Variants in ASTN1 observed in about 807,000 individuals in gnomAD.
ASTN1 encodes astrotactin-1.
ASTN1 carries 41 observed loss-of-function variants against 140.7 expected under a neutral mutation model. The ratio of observed to expected loss-of-function variants is 0.29; its 90% CI spans 0.23 to 0.38. The LOEUF is 0.38. Ranked by LOEUF, ASTN1 falls within the 10% of genes least tolerant of loss-of-function variation. The pLI, the probability that ASTN1 is intolerant of heterozygous loss-of-function variation, is 1.00. For synonymous variants in ASTN1, 640 were observed against 652.2 expected, an observed-to-expected ratio of 0.98 and a Z score of 0.29; for missense variants, 1,479 against 1,678.8, an observed-to-expected ratio of 0.88 and a Z score of 2.08.
At position 176,888,091 on chromosome 1, in the gene ASTN1, A is replaced by C; in HGVS notation, c.3054T>G (p.Cys1018Trp). 1 of 1,614,164 alleles carries C rather than the reference A, an allele frequency of 6.2e-7. No homozygotes were observed. Among genetic ancestry groups the C allele is most frequent in the Non-Finnish European group, 8.5e-7 (1 of 1,180,020 alleles). The part of the protein sequence containing the change: ...TAFGADGLPT[C>W]APLPQPVLRL... ...CATACACAGGCTGTGGGAGAGGCGCACAGGTGGGGAGTCCATCAGCTCCAA... is the reference window on the plus strand; with the variant it reads ...CATACACAGGCTGTGGGAGAGGCGCCCAGGTGGGGAGTCCATCAGCTCCAA... The change falls in exon 18 of 23, where the codon TGT becomes TGG. Residue 1018 changes from cysteine to tryptophan, a missense_variant. By Grantham distance (215) the Cys-to-Trp change is radical (BLOSUM62 -2). This residue lies in a region of ASTN1 where 746 missense variants were observed against 800.9 expected (regional missense o/e 0.93). Transcript: ENST00000361833.
In ASTN1 at chr1:176,863,883, G is replaced by A. The variant is rs1668044975; in HGVS notation, c.*401C>T. The A allele has an allele frequency of 9.9e-7, 1 of 1,013,764 alleles. No homozygotes were observed. The highest frequency in any genetic ancestry group is 5.1e-5 in the Admixed American group (1 of 19,452). The allele number at this position is 1,013,764 out of a possible 1,614,324, so 62.8% of individuals were successfully genotyped here. A position where few individuals can be genotyped will look rare whatever the true frequency, so the allele number is the denominator to read the frequency against. Reference sequence around the variant, plus strand: ...CTAACAACTTTCTGGCCTCACCTCTGCTCCCAGTTGCAATGGATTTAGGAA... The same window carrying A: ...CTAACAACTTTCTGGCCTCACCTCTACTCCCAGTTGCAATGGATTTAGGAA... On this transcript the variant is annotated 3_prime_UTR_variant, in exon 23 of 23. Coordinates refer to ENST00000361833, the MANE Select transcript of ASTN1 (RefSeq NM_004319.3).
chr1:177,128,314 C>A (rs1486292075), intron 1 of ASTN1, among the ~76,000 whole-genome samples: 1 of 152,146 alleles, frequency 6.6e-6, no homozygotes, highest in Non-Finnish European at 1.5e-5. Context: ...AGACTCTACG[C>A]CTAGTATTAG....
At chr1:176,935,761 TTC>T (rs879671358) in intron 15 of ASTN1, among the ~76,000 whole-genome samples, 102 of 148,010 alleles carry the variant, frequency 6.9e-4, no homozygotes, top group South Asian at 1.5e-3. Flanking sequence ...CTCTCTCTCT[TTC>T]TCTCTCTCTC....
intron 2 of ASTN1, among the ~76,000 whole-genome samples, chr1:177,047,976 C>T (rs190396874): frequency 5.3e-5 from 8 of 152,314 alleles, no homozygotes; most frequent in South Asian, 2.1e-4. Context: ...CAGCATTTAA[C>T]ACAGATGCCG....
chr1:176,857,472 C>T (rs1667846842), downstream of ASTN1: 3 of 412,216 alleles, frequency 7.3e-6, no homozygotes, highest in African/African-American at 4.1e-5. Flanking sequence ...AGATTAGCAA[C>T]ATCAGGGCGC....
chr1:177,088,783 A>G (rs371299387), intron 1 of ASTN1, among the ~76,000 whole-genome samples: 18 of 152,154 alleles, frequency 1.2e-4, no homozygotes, highest in African/African-American at 4.1e-4. Context: ...ATATCTTTAC[A>G]GTGCTTTTTC....
chr1:177,067,093 T>C (rs1029084901), intron 1 of ASTN1, among the ~76,000 whole-genome samples: 1 of 151,908 alleles, frequency 6.6e-6, no homozygotes, highest in Admixed American at 6.6e-5. Flanking sequence ...CCAAACCAAA[T>C]CTAGTATGGT....
intron 2 of ASTN1, among the ~76,000 whole-genome samples, chr1:177,055,006 C>CT (rs1327218098): frequency 6.6e-6 from 1 of 152,140 alleles, no homozygotes; most frequent in African/African-American, 2.4e-5. Context: ...AGTGTTGTCT[C>CT]TTTTATCTCT....
At chr1:177,092,949 A>G (rs1172785804) in intron 1 of ASTN1, among the ~76,000 whole-genome samples, 1 of 152,204 alleles carries the variant, frequency 6.6e-6, no homozygotes, top group Non-Finnish European at 1.5e-5. Context: ...GTAGCTTTGT[A>G]GGATAAACAT....
chr1:176,883,779 T>C (rs2103027606), intron 19 of ASTN1, among the ~76,000 whole-genome samples: 1 of 152,348 alleles, frequency 6.6e-6, no homozygotes, highest in Middle Eastern at 3.4e-3. Context: ...TTTCACTGTG[T>C]GCAGGTAGTG....
At chr1:176,894,949 G>A in intron 16 of ASTN1, 119 bp from the exon 17 acceptor site, 1 of 1,373,974 alleles carries the variant, frequency 7.3e-7, no homozygotes, top group South Asian at 1.3e-5. Context: ...CACTGAAGGG[G>A]TAAGAATGTG....
intron 8 of ASTN1, among the ~76,000 whole-genome samples, chr1:177,012,410 C>T (rs1675337130): frequency 6.6e-6 from 1 of 152,168 alleles, no homozygotes; most frequent in South Asian, 2.1e-4. Flanking sequence ...CCATTATCCT[C>T]AAGGTACTCA....
chr1:176,934,596 G>C (rs1444820860), intron 15 of ASTN1, among the ~76,000 whole-genome samples: 1 of 151,390 alleles, frequency 6.6e-6, no homozygotes, highest in Non-Finnish European at 1.5e-5. Flanking sequence ...CTCTACTCCT[G>C]TCCCCTTTAA....
At chr1:176,902,508 G>C (rs1022749991) in intron 16 of ASTN1, among the ~76,000 whole-genome samples, 20 of 152,184 alleles carry the variant, frequency 1.3e-4, no homozygotes, top group Non-Finnish European at 5.9e-5. Flanking sequence ...GAGGTTCCCG[G>C]CTAATTAGGT....
chr1:177,092,093 G>C (rs966230851), intron 1 of ASTN1, among the ~76,000 whole-genome samples: 2 of 152,100 alleles, frequency 1.3e-5, no homozygotes, highest in African/African-American at 4.8e-5. Flanking sequence ...TTCTGCATCA[G>C]CTGAACCACT....
At chr1:176,946,752 G>A (rs963309514) in intron 12 of ASTN1, among the ~76,000 whole-genome samples, 4 of 152,162 alleles carry the variant, frequency 2.6e-5, no homozygotes, top group African/African-American at 9.7e-5. Context: ...TGAATGCCAT[G>A]TGCACCATTA....
chr1:176,987,737 T>C (rs1482659691), intron 8 of ASTN1, among the ~76,000 whole-genome samples: 4 of 152,224 alleles, frequency 2.6e-5, no homozygotes, highest in Admixed American at 2.6e-4. Flanking sequence ...CTTCCATCTT[T>C]CATTTCAACA....
chr1:177,099,889 G>A (rs1186671245), intron 1 of ASTN1, among the ~76,000 whole-genome samples: 1 of 152,160 alleles, frequency 6.6e-6, no homozygotes, highest in East Asian at 1.9e-4. Flanking sequence ...AGGAAAATTT[G>A]ATTATATGCA....
intron 1 of ASTN1, among the ~76,000 whole-genome samples, chr1:177,142,272 TG>T (rs1191722116): frequency 2.0e-5 from 3 of 152,062 alleles, no homozygotes; most frequent in Non-Finnish European, 4.4e-5. Context: ...AAATTGCTGT[TG>T]TTTTTTTTTT....
Sources: gnomAD v4.1 joint callset for allele counts (sites outside exome capture counted in the v4.1 genomes callset) on GRCh38, gnomAD v4.1.1 for gene constraint, gnomAD v4.1.1 regional missense constraint, MANE v1.5 for transcripts, NCBI Gene and HGNC (gene_info 2026-07-23, HGNC 2026-07-21) for gene names.